PFKFB2: variants seen among roughly 807,000 people sequenced by gnomAD.
The protein encoded by PFKFB2 is 6-phosphofructo-2-kinase/fructose-2,6-biphosphatase 2, also known as 6-phosphofructo-2-kinase/fructose-2,6-bisphosphatase 2.
PFKFB2 carries 53 observed loss-of-function variants against 68.0 expected under a neutral mutation model. That is an observed-to-expected ratio of 0.78 (90% CI 0.63 to 0.98). The LOEUF is 0.98. Ranked by LOEUF, PFKFB2 falls within the 50% of genes least tolerant of loss-of-function variation. The pLI is 0.00. For missense variants in PFKFB2, 451 were observed against 642.0 expected (o/e 0.70, Z 3.22); for synonymous variants, 222 against 227.6 (o/e 0.98, Z 0.22).
chr1:207,043,043 G>A (rs1425750242), intron 2 of PFKFB2, among the ~76,000 whole-genome samples: 5 of 149,118 alleles, frequency 3.4e-5, no homozygotes, highest in African/African-American at 1.2e-4. Context: ...TTTAAATCAT[G>A]CATCAGAATC....
intron 2 of PFKFB2, among the ~76,000 whole-genome samples, chr1:207,057,547 T>C (rs1335749386): frequency 1.3e-5 from 2 of 151,708 alleles, no homozygotes; most frequent in Admixed American, 6.6e-5. Flanking sequence ...ATTTTTTTTT[T>C]TGAGTAGTTC....
intron 11 of PFKFB2, 98 bp downstream of exon 11, chr1:207,069,626 G>A (rs1558064469): frequency 1.3e-6 from 1 of 765,224 alleles, no homozygotes; most frequent in East Asian, 2.6e-5. Context: ...GAGGGTCTAG[G>A]CATCATTTAT....
At chr1:207,051,085 C>T (rs891298541), upstream of PFKFB2, 38 of 1,443,932 alleles carry the variant, frequency 2.6e-5, no homozygotes, top group Non-Finnish European at 3.2e-5. Flanking sequence ...CGGCTTCTGC[C>T]TTAGTACCTT....
downstream of PFKFB2, chr1:207,079,121 C>G (rs1558070130): frequency 9.6e-7 from 1 of 1,044,726 alleles, no homozygotes; most frequent in Admixed American, 1.7e-5. Flanking sequence ...TAAGTGGGAA[C>G]TGGACTTTGG....
upstream of PFKFB2, chr1:207,053,141 G>C (rs537226697): frequency 6.6e-5 from 10 of 152,452 alleles, no homozygotes; most frequent in Non-Finnish European, 1.0e-4. Flanking sequence ...GAGCCAGTTA[G>C]GCGATTGCGA....
rs1316481184 is a variant in PFKFB2, at chr1:207,063,646, T to C, written c.451-127T>C. 4.6e-5 allele frequency: 39 copies of C among 856,316 alleles called. No homozygotes were observed. In the East Asian group the frequency reaches 9.1e-4, roughly 20 times the overall value. The allele number at this position is 856,316 out of a possible 1,614,324, so 53.0% of individuals were successfully genotyped here. A position where few individuals can be genotyped will look rare whatever the true frequency, so the allele number is the denominator to read the frequency against. On this transcript the variant is annotated intron_variant, in intron 6 of 14. Transcript: ENST00000367080. The surrounding 1 kb of genome is among the most constrained non-coding windows in gnomAD (Gnocchi z 4.1). ...CTGTGGTAAGAGCTATGAGGAGGAC[T>C]TGAGGGCCACTTTCATGAAGAAAAT...
In PFKFB2 at chr1:207,073,438, A is replaced by C; in HGVS notation, c.*1067A>C. ...TCACCACTGATGTTTGAGTTGCTCA[A>C]GGCAAGAGGCAGAGAAGAGTTCACT... is the stretch of plus-strand genomic sequence containing the variant. On this transcript the variant is annotated 3_prime_UTR_variant, in exon 15 of 15. Transcript: ENST00000367080. The C allele has an allele frequency of 1.0e-6, 1 of 985,478 alleles. No homozygotes were observed. 61.0% of individuals were successfully genotyped at this position (985,478 alleles called of 1,614,324 possible).
downstream of PFKFB2, chr1:207,080,256 GCTTTA>G (rs1170338241): frequency 2.0e-5 from 3 of 152,070 alleles, no homozygotes; most frequent in African/African-American, 7.2e-5. Context: ...TATGTTTTTA[GCTTTA>G]CTTTTCTTTC....
At chr1:207,039,124 C>T (rs2102314553) in intron 1 of PFKFB2, among the ~76,000 whole-genome samples, 1 of 152,216 alleles carries the variant, frequency 6.6e-6, no homozygotes, top group East Asian at 1.9e-4. Flanking sequence ...AAAGGATGAA[C>T]CTAATGAGAG....
At chr1:207,042,686 T>C (rs1419540656) in intron 2 of PFKFB2, among the ~76,000 whole-genome samples, 1 of 151,902 alleles carries the variant, frequency 6.6e-6, no homozygotes, top group Non-Finnish European at 1.5e-5. Flanking sequence ...TTAAGTACCA[T>C]TGCTTCGTCT....
intron 2 of PFKFB2, among the ~76,000 whole-genome samples, chr1:207,056,054 G>A (rs1682912395): frequency 6.6e-6 from 1 of 152,148 alleles, no homozygotes; most frequent in Non-Finnish European, 1.5e-5. Context: ...TCTTGAACAA[G>A]TTGCTTGTTC....
At chr1:207,055,881 G>T (rs2842745) in intron 2 of PFKFB2, among the ~76,000 whole-genome samples, 1 of 152,196 alleles carries the variant, frequency 6.6e-6, no homozygotes, top group Non-Finnish European at 1.5e-5. Flanking sequence ...GGGGTTGGCA[G>T]AGTTAGGGTC....
Position 207,067,697 on chromosome 1 carries a change from G to T in PFKFB2, c.831G>T (p.Arg277=). ...GGGGTGACTCTGGCCTCTCGGTGCG[G>T]GGAAAGCAGGTGAGTAATTATTCAG... ...KIGGDSGLSV[R]GKQFAQALRK... is the part of the protein sequence containing the mutation. Residue 277 remains arginine (R), a synonymous_variant, in exon 9 of 15, where the codon CGG becomes CGT. Coordinates refer to ENST00000367080, the MANE Select transcript of PFKFB2 (RefSeq NM_006212.2). 2 of 1,612,928 alleles carry T rather than the reference G, an allele frequency of 1.2e-6. No individual in the cohort carries two copies. The highest frequency in any genetic ancestry group is 1.7e-6 in the Non-Finnish European group (2 of 1,179,162).
At chr1:207,059,890 C>T (rs1313090084) in intron 2 of PFKFB2, among the ~76,000 whole-genome samples, 2 of 152,232 alleles carry the variant, frequency 1.3e-5, no homozygotes, top group East Asian at 3.8e-4. Context: ...CTTAATCTTA[C>T]AAGGTCCCTT....
intron 8 of PFKFB2, among the ~76,000 whole-genome samples, chr1:207,067,050 G>T (rs773876219): frequency 3.3e-5 from 5 of 152,178 alleles, no homozygotes; most frequent in Non-Finnish European, 5.9e-5. Flanking sequence ...GTAGATGCAG[G>T]GAGTATATAG....
intron 11 of PFKFB2, 107 bp downstream of exon 11, chr1:207,069,635 A>G: frequency 2.8e-6 from 2 of 705,114 alleles, no homozygotes; most frequent in Non-Finnish European, 2.4e-6. Context: ...GGCATCATTT[A>G]TCTTCCTTCC....
intron 1 of PFKFB2, among the ~76,000 whole-genome samples, chr1:207,036,755 C>G (rs1053045759): frequency 6.6e-6 from 1 of 152,178 alleles, no homozygotes; most frequent in African/African-American, 2.4e-5. Flanking sequence ...ATTGTGTGTG[C>G]TCTGAATCTC....
In PFKFB2 at chr1:207,072,395, G is replaced by A. The variant is rs769483356; in HGVS notation, c.*24G>A. ...AGCCGAAGACCCAAGTCAGCATTCCGGTGGTGTAACTGTGTGTTTCCCTCC... is the reference window on the plus strand; with the variant it reads ...AGCCGAAGACCCAAGTCAGCATTCCAGTGGTGTAACTGTGTGTTTCCCTCC... On this transcript the variant is annotated 3_prime_UTR_variant, in exon 15 of 15. Coordinates refer to ENST00000367080, the MANE Select transcript of PFKFB2 (RefSeq NM_006212.2). 1.5e-4 allele frequency: 248 copies of A among 1,608,352 alleles called. No individual in the cohort carries two copies. The highest frequency in any genetic ancestry group is 2.0e-4 in the Non-Finnish European group (235 of 1,177,050).
In PFKFB2 at chr1:207,071,419, G is replaced by A. The variant is rs77563599; in HGVS notation, c.1286-90G>A. 2.2e-3 allele frequency: 2,474 copies of A among 1,147,832 alleles called. 44 individuals carry two copies. In the African/African-American group the frequency reaches 0.033, roughly 15 times the overall value. The allele number at this position is 1,147,832 out of a possible 1,614,324, so 71.1% of individuals were successfully genotyped here. ...CATGACTGTGTGTATTGCAGAATGC[G>A]TACATTCCTTTGTGGTATACTTTCC... On this transcript the variant is annotated intron_variant, in intron 13 of 14. Transcript: ENST00000367080.
Sources: gnomAD v4.1 joint callset for allele counts (sites outside exome capture counted in the v4.1 genomes callset) on GRCh38, gnomAD v4.1.1 for gene constraint, Gnocchi (gnomAD v3.1) non-coding constraint, MANE v1.5 for transcripts, NCBI Gene and HGNC (gene_info 2026-07-23, HGNC 2026-07-21) for gene names.